SEMA4A: variants seen among roughly 807,000 people sequenced by gnomAD.
SEMA4A encodes the protein semaphorin 4A.
Under a neutral mutation model 72.5 loss-of-function variants are expected in SEMA4A, and 52 were observed. The observed-to-expected ratio is 0.72, with a 90% CI of 0.57 to 0.90. The LOEUF is 0.90. SEMA4A is among the 40% of genes least tolerant of loss of function. The pLI is 0.00. For missense variants in SEMA4A, 926 were observed against 959.7 expected, an observed-to-expected ratio of 0.96 and a Z score of 0.46; for synonymous variants, 369 against 393.1, an observed-to-expected ratio of 0.94 and a Z score of 0.73.
chr1:156,156,170 T>C, intron 2 of SEMA4A: 1 of 513,634 alleles, frequency 1.9e-6, no homozygotes, highest in Non-Finnish European at 3.6e-6. Flanking sequence ...TGTGCCTCAC[T>C]TTATTTCCCG....
At chr1:156,171,573 T>A (rs1654776778) in intron 10 of SEMA4A, among the ~76,000 whole-genome samples, 1 of 152,172 alleles carries the variant, frequency 6.6e-6, no homozygotes, top group East Asian at 1.9e-4. Flanking sequence ...TAAAACTTGG[T>A]CCTTTTTTAA....
In SEMA4A at chr1:156,176,608, T is replaced by C; in HGVS notation, c.1897T>C (p.Tyr633His). Residue 633 changes from tyrosine to histidine, a missense_variant, in exon 15 of 15, where the codon TAC becomes CAC. Tyr to His is a moderately conservative substitution (Grantham distance 83, BLOSUM62 2). Coordinates refer to ENST00000368285, the MANE Select transcript of SEMA4A (RefSeq NM_022367.4). ...CTGGGCAACTGAGAATGGCTTTTCA[T>C]ACCCTGTGATCTCCTACTGGGTGGA... ...QCWATENGFS[Y>H]PVISYWVDSQ... is the part of the protein sequence containing the mutation. The C allele has an allele frequency of 6.2e-7, 1 of 1,614,198 alleles. No homozygotes were observed. Among genetic ancestry groups the C allele is most frequent in the Non-Finnish European group, 8.5e-7 (1 of 1,180,028 alleles).
In SEMA4A at chr1:156,157,193, CT is replaced by C. The variant is rs934372374; in HGVS notation, c.300+630del. Among the ~76,000 whole-genome samples the C allele has an allele frequency of 0.018, 2,619 of 144,216 alleles. 74 individuals are homozygous for C. The highest frequency in any genetic ancestry group is 0.062 in the African/African-American group (2,453 of 39,556). The allele number at this position is 144,216 out of a possible 152,430, so 94.6% of individuals were successfully genotyped here. A position where few individuals can be genotyped will look rare whatever the true frequency, so the allele number is the denominator to read the frequency against. On this transcript the variant is annotated intron_variant, in intron 3 of 14. Coordinates refer to ENST00000368285, the MANE Select transcript of SEMA4A (RefSeq NM_022367.4). This position sits in a 1 kb window ranked among gnomAD's most constrained non-coding sequence, Gnocchi z 4.5. ...GTAGAAATCACTGATGCTTCTGTGTCTTTTTTTTTTTGAGATGGAGTCTCAC... is the reference window on the plus strand; with the variant it reads ...GTAGAAATCACTGATGCTTCTGTGTCTTTTTTTTTTGAGATGGAGTCTCAC...
intron 5 of SEMA4A, 41 bp from the exon 6 acceptor site, chr1:156,158,678 G>C (rs1653278680): frequency 6.6e-7 from 1 of 1,513,272 alleles, no homozygotes; most frequent in Non-Finnish European, 9.2e-7. Context: ...CCAGATGTGA[G>C]ACCTTGGCGT....
chr1:156,152,893 A>G (rs1409833354), upstream of SEMA4A, among the ~76,000 whole-genome samples: 4 of 152,120 alleles, frequency 2.6e-5, no homozygotes, highest in Admixed American at 6.5e-5. Context: ...GAACCTACCC[A>G]CTTTGTAGGC....
intron 10 of SEMA4A, among the ~76,000 whole-genome samples, chr1:156,170,492 C>T (rs1288152399): frequency 5.1e-5 from 7 of 137,358 alleles, no homozygotes; most frequent in Non-Finnish European, 9.3e-5. Context: ...AAAGGCCAGG[C>T]GCTTGTAATC....
intron 8 of SEMA4A, 76 bp from the exon 9 acceptor site, chr1:156,161,270 C>A: frequency 1.5e-6 from 1 of 651,998 alleles, no homozygotes; most frequent in Non-Finnish European, 2.1e-6. Flanking sequence ...CGCCGAGCTG[C>A]GGGGGGCGGG....
chr1:156,164,822 A>G (rs1654009161), intron 10 of SEMA4A, among the ~76,000 whole-genome samples: 1 of 151,584 alleles, frequency 6.6e-6, no homozygotes, highest in Non-Finnish European at 1.5e-5. Flanking sequence ...TTTTTTTGAA[A>G]CAGAGTCTCA....
chr1:156,161,323 C>A (rs1261588436), intron 8 of SEMA4A, 23 bp from the exon 9 acceptor site: 3 of 943,016 alleles, frequency 3.2e-6, no homozygotes, highest in South Asian at 2.6e-5. Context: ...CGGGGCGCCC[C>A]CTGACTCCCC....
At chr1:156,158,594 C>A (rs1653270114) in intron 5 of SEMA4A, 108 bp downstream of exon 5, 1 of 1,274,202 alleles carries the variant, frequency 7.8e-7, no homozygotes, top group Admixed American at 1.7e-5. Context: ...GATGCAGGAC[C>A]CTCATGAACT....
chr1:156,174,985 C>A lies in SEMA4A; in HGVS notation c.1434+45C>A, dbSNP rs369438761. ...TCAAATGGCCTTCCAGTGGGGCTGG[C>A]CTTGGGGGCCTGTTGGGCTGGCTCC... On this transcript the variant is annotated intron_variant, in intron 12 of 14. Coordinates refer to ENST00000368285, the MANE Select transcript of SEMA4A (RefSeq NM_022367.4). 1.0e-4 allele frequency: 161 copies of A among 1,614,212 alleles called. No homozygotes were observed. In the African/African-American group the frequency reaches 1.9e-3, roughly 19 times the overall value.
At chr1:156,156,709 G>A (rs998405462) in intron 3 of SEMA4A, 135 bp downstream of exon 3, 11 of 824,540 alleles carry the variant, frequency 1.3e-5, no homozygotes, top group South Asian at 9.4e-5. Context: ...TATGTATATC[G>A]TGACAATATA....
In SEMA4A at chr1:156,153,727, C is replaced by A; in HGVS notation, c.-67C>A. 1 of 152,612 alleles carries A rather than the reference C, an allele frequency of 6.6e-6. No individual in the cohort carries two copies. Among genetic ancestry groups the A allele is most frequent in the Non-Finnish European group, 1.5e-5 (1 of 68,124 alleles). 9.5% of individuals were successfully genotyped at this position (152,612 alleles called of 1,614,324 possible). A position where few individuals can be genotyped will look rare whatever the true frequency, so the allele number is the denominator to read the frequency against. The stretch of plus-strand genomic sequence containing the variant: ...GCACCCCCGCCCTAGAATCCAGACA[C>A]CGAGTTTCCCACTGTGGCTGGTTCA... On this transcript the variant is annotated 5_prime_UTR_variant, in exon 1 of 15. Transcript: ENST00000368285.
At chr1:156,161,635 T>A in intron 9 of SEMA4A, 117 bp downstream of exon 9, 1 of 1,065,290 alleles carries the variant, frequency 9.4e-7, no homozygotes, top group South Asian at 1.4e-5. Context: ...CACTTTCACA[T>A]AGGAAGGCAT....
Position 156,160,669 on chromosome 1 carries a change from G to C in SEMA4A, c.685+110G>C, listed in dbSNP as rs920907199. ...ATGTGTCCATTACTGTTAGGCGCAG[G>C]GGGTATATGGCAGGGAAGAAGGCAA... On this transcript the variant is annotated intron_variant, in intron 7 of 14. Coordinates refer to ENST00000368285, the MANE Select transcript of SEMA4A (RefSeq NM_022367.4). The C allele has an allele frequency of 2.0e-5, 22 of 1,074,786 alleles. No individual in the cohort carries two copies. In the South Asian group the frequency reaches 2.3e-4, roughly 11 times the overall value. The allele number at this position is 1,074,786 out of a possible 1,614,324, so 66.6% of individuals were successfully genotyped here.
upstream of SEMA4A, among the ~76,000 whole-genome samples, chr1:156,152,851 C>T (rs563795798): frequency 1.3e-5 from 2 of 152,264 alleles, no homozygotes; most frequent in South Asian, 2.1e-4. Context: ...TGCTCTTTAA[C>T]CTGCAGTCAG....
chr1:156,150,777 T>C (rs1652476268), upstream of SEMA4A, among the ~76,000 whole-genome samples: 1 of 152,096 alleles, frequency 6.6e-6, no homozygotes. Flanking sequence ...CAATAGAACC[T>C]GGCAGGAAGG....
intron 4 of SEMA4A, 73 bp from the exon 5 acceptor site, chr1:156,158,315 G>A: frequency 7.4e-7 from 1 of 1,344,358 alleles, no homozygotes; most frequent in East Asian, 2.3e-5. Flanking sequence ...TCTCCTCAGT[G>A]AGGGGGCAGC....
In SEMA4A at chr1:156,153,626, C is replaced by T. The variant is rs1652729109; in HGVS notation, c.-168C>T. 1 of 152,414 alleles carries T rather than the reference C, an allele frequency of 6.6e-6. No individual in the cohort carries two copies. The highest frequency in any genetic ancestry group is 2.1e-4 in the South Asian group (1 of 4,836). 9.4% of individuals were successfully genotyped at this position (152,414 alleles called of 1,614,324 possible). A position where few individuals can be genotyped will look rare whatever the true frequency, so the allele number is the denominator to read the frequency against. On this transcript the variant is annotated 5_prime_UTR_variant, in exon 1 of 15. Coordinates refer to ENST00000368285, the MANE Select transcript of SEMA4A (RefSeq NM_022367.4). ...TGATGGGCACCTGGAGGGCCGCACT[C>T]CCGTTCCAGCCAGGCTGAGCCTTCT...
Sources: gnomAD v4.1 joint callset for allele counts (sites outside exome capture counted in the v4.1 genomes callset) on GRCh38, gnomAD v4.1.1 for gene constraint, Gnocchi (gnomAD v3.1) non-coding constraint, MANE v1.5 for transcripts, NCBI Gene and HGNC (gene_info 2026-07-23, HGNC 2026-07-21) for gene names.